UBL3: variants seen among roughly 807,000 people sequenced by gnomAD.
The protein encoded by UBL3 is ubiquitin like 3, also known as ubiquitin-like protein 3.
A neutral mutation model predicts 18.4 loss-of-function variants in UBL3; 6 were observed. That is an observed-to-expected ratio of 0.33 (90% confidence interval 0.18 to 0.64). The LOEUF (loss-of-function observed/expected upper bound fraction) is 0.64, where lower values mean the gene tolerates loss of function less well. Ranked by LOEUF, UBL3 falls within the 30% of genes least tolerant of loss-of-function variation. UBL3 has a pLI of 0.76. For missense variants in UBL3, 109 were observed against 142.9 expected (o/e 0.76, Z 1.21); for synonymous variants, 49 against 46.6 (o/e 1.05, Z -0.21).
intron 1 of UBL3, among the ~76,000 whole-genome samples, chr13:29,812,433 C>CT (rs1393486139): frequency 1.3e-5 from 2 of 151,968 alleles, no homozygotes; most frequent in Non-Finnish European, 2.9e-5. Flanking sequence ...ATTTGTGGAA[C>CT]TTTCCAAAAT....
chr13:29,835,159 T>TATATATATATAA (rs1878924423), intron 1 of UBL3, among the ~76,000 whole-genome samples: 1 of 57,866 alleles, frequency 1.7e-5, no homozygotes, highest in Non-Finnish European at 2.9e-5. Flanking sequence ...TATATATATA[T>TATATATATATAA]ATATATATAT....
chr13:29,788,627 C>T lies in UBL3; in HGVS notation c.28-11364G>A, dbSNP rs186410656. On this transcript the variant is annotated intron_variant, in intron 1 of 4. Coordinates refer to ENST00000380680, the MANE Select transcript of UBL3 (RefSeq NM_007106.4). ...AAAGCTTGTTTTCTCTTAGGATTTA[C>T]ACAACTTTTGAGACAAAATACTCCT... Among the ~76,000 whole-genome samples, 171 of 152,270 alleles carry T rather than the reference C, an allele frequency of 1.1e-3. 2 individuals are homozygous for T. The highest frequency in any genetic ancestry group is 0.01 in the Middle Eastern group (3 of 294).
intron 1 of UBL3, among the ~76,000 whole-genome samples, chr13:29,806,741 G>A (rs1368529404): frequency 6.6e-6 from 1 of 152,170 alleles, no homozygotes; most frequent in Non-Finnish European, 1.5e-5. Flanking sequence ...GGCTTCACGT[G>A]ATCACTGCCT....
intron 1 of UBL3, among the ~76,000 whole-genome samples, chr13:29,810,022 TA>T (rs1878000799): frequency 6.6e-6 from 1 of 152,134 alleles, no homozygotes. Context: ...CACAGTTGGT[TA>T]ATCCACAGAC....
At chr13:29,786,770 T>A (rs997855782) in intron 1 of UBL3, among the ~76,000 whole-genome samples, 8 of 2,022 alleles carry the variant, frequency 4.0e-3, no homozygotes, top group Non-Finnish European at 0.018. Context: ...AGCATTTAGT[T>A]ATGATGTAGA....
In UBL3 at chr13:29,788,838, A is replaced by AGTGTGTGT. The variant is rs58898742; in HGVS notation, c.28-11583_28-11576dup. Among the ~76,000 whole-genome samples, 335 of 138,206 alleles carry AGTGTGTGT rather than the reference A, an allele frequency of 2.4e-3. 1 individual carries two copies. Among genetic ancestry groups the AGTGTGTGT allele is most frequent in the African/African-American group, 8.3e-3 (306 of 36,802 alleles). The allele number at this position is 138,206 out of a possible 152,430, so 90.7% of individuals were successfully genotyped here. On this transcript the variant is annotated intron_variant, in intron 1 of 4. Coordinates refer to ENST00000380680, the MANE Select transcript of UBL3 (RefSeq NM_007106.4). ...GAATGGAGGTAGGGCTTAATGGGGAAGTGTGTGTGTGTGTGTGTGTGTGTG... is the reference window on the plus strand; with the variant it reads ...GAATGGAGGTAGGGCTTAATGGGGAAGTGTGTGTGTGTGTGTGTGTGTGTGTGTGTGTG...
chr13:29,844,113 A>G (rs1879175200), intron 1 of UBL3, among the ~76,000 whole-genome samples: 2 of 152,168 alleles, frequency 1.3e-5, no homozygotes, highest in South Asian at 2.1e-4. Context: ...ACTCTGAGAA[A>G]CTCATGGTGC....
chr13:29,773,682 C>G (rs1004224422), intron 2 of UBL3, among the ~76,000 whole-genome samples: 2 of 151,964 alleles, frequency 1.3e-5, no homozygotes, highest in African/African-American at 4.8e-5. Context: ...ATGCTATCTC[C>G]CTTCCCCTCT....
intron 1 of UBL3, among the ~76,000 whole-genome samples, chr13:29,839,459 T>C (rs1029915516): frequency 6.6e-6 from 1 of 152,196 alleles, no homozygotes; most frequent in Non-Finnish European, 1.5e-5. Context: ...GAATTTCATA[T>C]ACATTTTTTA....
At chr13:29,804,096 A>C (rs1021723661) in intron 1 of UBL3, among the ~76,000 whole-genome samples, 3 of 152,004 alleles carry the variant, frequency 2.0e-5, no homozygotes, top group African/African-American at 7.2e-5. Flanking sequence ...AAAAAAAAAA[A>C]AACCTGAAAT....
chr13:29,850,457 G>T lies in UBL3; in HGVS notation c.-919C>A, dbSNP rs1167160476. ...TTCGGCTGGTCCCCGGAAGAGGCCG[G>T]GTCCTCCTTCTCCTCAGCCCGGGAA... On this transcript the variant is annotated 5_prime_UTR_variant, in exon 1 of 5. Coordinates refer to ENST00000380680, the MANE Select transcript of UBL3 (RefSeq NM_007106.4). 1 of 152,940 alleles carries T rather than the reference G, an allele frequency of 6.5e-6. No individual in the cohort carries two copies. The highest frequency in any genetic ancestry group is 1.5e-5 in the Non-Finnish European group (1 of 68,236). 9.5% of individuals were successfully genotyped at this position (152,940 alleles called of 1,614,324 possible). A position where few individuals can be genotyped will look rare whatever the true frequency, so the allele number is the denominator to read the frequency against.
intron 1 of UBL3, among the ~76,000 whole-genome samples, chr13:29,806,186 A>G (rs916630195): frequency 2.0e-5 from 3 of 152,164 alleles, no homozygotes; most frequent in Admixed American, 2.0e-4. Flanking sequence ...CAAAACCAAA[A>G]AACAAAACCA....
chr13:29,790,815 CCT>C (rs1877462629), intron 1 of UBL3, among the ~76,000 whole-genome samples: 1 of 152,010 alleles, frequency 6.6e-6, no homozygotes. Context: ...ATCCTTTGAT[CCT>C]CTCTTTCAGT....
chr13:29,846,790 C>A (rs576724559), intron 1 of UBL3, among the ~76,000 whole-genome samples: 5 of 152,128 alleles, frequency 3.3e-5, no homozygotes, highest in Non-Finnish European at 5.9e-5. Context: ...GACACCACCA[C>A]CAAAAAGTAA....
intron 3 of UBL3, among the ~76,000 whole-genome samples, chr13:29,770,001 A>AG (rs1336070874): frequency 3.3e-5 from 5 of 152,076 alleles, no homozygotes; most frequent in Non-Finnish European, 7.4e-5. Flanking sequence ...TTCTTTCTTT[A>AG]GGTAGCTCAA....
At chr13:29,836,511 A>C (rs1030689552) in intron 1 of UBL3, among the ~76,000 whole-genome samples, 7 of 152,050 alleles carry the variant, frequency 4.6e-5, no homozygotes, top group African/African-American at 1.7e-4. Flanking sequence ...CAGCTATTTG[A>C]AGGTTTCCGG....
At chr13:29,813,208 C>T (rs1183545102) in intron 1 of UBL3, among the ~76,000 whole-genome samples, 1 of 152,006 alleles carries the variant, frequency 6.6e-6, no homozygotes, top group Non-Finnish European at 1.5e-5. Context: ...TATTATCAAT[C>T]AGATATCTCC....
chr13:29,788,143 T>C (rs1007396941), intron 1 of UBL3, among the ~76,000 whole-genome samples: 2 of 152,176 alleles, frequency 1.3e-5, no homozygotes, highest in African/African-American at 4.8e-5. Context: ...TCTCTAACCA[T>C]CTAGTTACTC....
intron 3 of UBL3, 52 bp from the exon 4 acceptor site, chr13:29,767,747 TCA>T (rs982267389): frequency 6.7e-7 from 1 of 1,503,062 alleles, no homozygotes; most frequent in Non-Finnish European, 9.1e-7. Context: ...CCTATTAAAA[TCA>T]CTATCCAGAT....
Sources: gnomAD v4.1 joint callset for allele counts (sites outside exome capture counted in the v4.1 genomes callset) on GRCh38, gnomAD v4.1.1 for gene constraint, MANE v1.5 for transcripts, NCBI Gene and HGNC (gene_info 2026-07-23, HGNC 2026-07-21) for gene names.